The following GRAMD1A variants were observed in gnomAD, a reference collection of about 807,000 sequenced individuals.
GRAMD1A encodes the protein protein Aster-A.
A neutral mutation model predicts 92.0 loss-of-function variants in GRAMD1A; 50 were observed. The observed-to-expected ratio is 0.54, with a 90% CI of 0.43 to 0.69. The LOEUF (loss-of-function observed/expected upper bound fraction) is 0.69. GRAMD1A is among the 30% of genes least tolerant of loss of function. The pLI, the probability that GRAMD1A is intolerant of heterozygous loss-of-function variation, is 0.00. For missense variants in GRAMD1A, 819 were observed against 978.9 expected (o/e 0.84, Z 2.18); for synonymous variants, 405 against 403.6 (o/e 1.00, Z -0.04).
intron 13 of GRAMD1A, among the ~76,000 whole-genome samples, chr19:35,020,153 A>G (rs1307544158): frequency 6.6e-6 from 1 of 152,152 alleles, no homozygotes; most frequent in South Asian, 2.1e-4. Context: ...GCACTTTGGG[A>G]GGCTGAGGCA....
rs1242627088 is a variant in GRAMD1A, at chr19:35,000,447, T to TGCCCC, written c.-30_-29insCCCGC. ...AGCCCTGCCCTGCCCTGCCCTGCCCTGCGCCCGGGGCGCGCCCACCGCGCC... is the reference window on the plus strand; with the variant it reads ...AGCCCTGCCCTGCCCTGCCCTGCCCTGCCCCGCGCCCGGGGCGCGCCCACCGCGCC... On this transcript the variant is annotated 5_prime_UTR_variant, in exon 1 of 20. Coordinates refer to ENST00000317991, the MANE Select transcript of GRAMD1A (RefSeq NM_020895.5). The surrounding 1 kb of genome is among the most constrained non-coding windows in gnomAD (Gnocchi z 4.9). 8.0e-7 allele frequency: 1 copy of TGCCCC among 1,249,032 alleles called. No homozygotes were observed. The allele number at this position is 1,249,032 out of a possible 1,614,324, so 77.4% of individuals were successfully genotyped here. A position where few individuals can be genotyped will look rare whatever the true frequency, so the allele number is the denominator to read the frequency against.
chr19:35,019,215 G>A lies in GRAMD1A; in HGVS notation c.1238G>A (p.Gly413Glu), dbSNP rs1345690135. ...FTDVTLSPWS[G>E]DSKCHQRRVL... The stretch of plus-strand genomic sequence containing the variant: ...GACGTGACGCTGAGCCCCTGGAGTG[G>A]GGACAGCAAGTGCCACCAGCGCCGG... The change falls in exon 12 of 20, where the codon GGG becomes GAG. Residue 413 changes from glycine to glutamate, a missense_variant. By Grantham distance (98) the Gly-to-Glu change is moderately conservative. Coordinates refer to ENST00000317991, the MANE Select transcript of GRAMD1A (RefSeq NM_020895.5). The A allele has an allele frequency of 1.2e-5, 20 of 1,612,574 alleles. No individual in the cohort carries two copies. The highest frequency in any genetic ancestry group is 1.5e-5 in the Non-Finnish European group (18 of 1,179,004).
At chr19:35,019,016 A>T (rs1392453682) in intron 11 of GRAMD1A, among the ~76,000 whole-genome samples, 175 bp from the exon 12 acceptor site, 1 of 152,072 alleles carries the variant, frequency 6.6e-6, no homozygotes, top group African/African-American at 2.4e-5. Context: ...AGTGGAGGAG[A>T]TGGCCCTGCC....
chr19:35,019,330 G>A (rs757112531), intron 12 of GRAMD1A, 21 bp downstream of exon 12: 26 of 1,612,356 alleles, frequency 1.6e-5, no homozygotes, highest in East Asian at 2.2e-5. Flanking sequence ...TGGGGCAGCC[G>A]AGTGGGTGGG....
intron 1 of GRAMD1A, among the ~76,000 whole-genome samples, chr19:35,008,171 A>G (rs554357128): frequency 3.8e-4 from 57 of 151,858 alleles, no homozygotes; most frequent in African/African-American, 1.4e-3. Context: ...TCTACTAAAA[A>G]TACAAAAATT....
At chr19:35,002,993 A>G (rs2151700280) in intron 1 of GRAMD1A, among the ~76,000 whole-genome samples, 1 of 152,174 alleles carries the variant, frequency 6.6e-6, no homozygotes, top group South Asian at 2.1e-4. Flanking sequence ...CTGTGTGCAC[A>G]CATGCATGTG....
At chr19:35,012,202 G>A (rs1224305674) in intron 7 of GRAMD1A, among the ~76,000 whole-genome samples, 2 of 152,122 alleles carry the variant, frequency 1.3e-5, no homozygotes, top group Non-Finnish European at 2.9e-5. Context: ...TAGCTCCCTC[G>A]CCACCCCCTC....
At chr19:34,997,402 A>G (rs868598141), upstream of GRAMD1A, among the ~76,000 whole-genome samples, 7 of 151,306 alleles carry the variant, frequency 4.6e-5, no homozygotes, top group East Asian at 7.7e-4. Context: ...AAAAAAAAAA[A>G]AAGAAGAAGA....
chr19:34,998,042 G>C (rs867683318), upstream of GRAMD1A, among the ~76,000 whole-genome samples: 3 of 143,876 alleles, frequency 2.1e-5, no homozygotes, highest in South Asian at 4.4e-4. Flanking sequence ...CACCACTCCA[G>C]CCTGAGCGAC....
chr19:35,005,412 G>A (rs1278053907), intron 1 of GRAMD1A, among the ~76,000 whole-genome samples: 1 of 152,042 alleles, frequency 6.6e-6, no homozygotes, highest in African/African-American at 2.4e-5. Flanking sequence ...GTGGATGTCT[G>A]GGAGGAAGGG....
At position 35,003,264 on chromosome 19, in the gene GRAMD1A, T is replaced by C. The variant is rs1240427157; in HGVS notation, c.8+2778T>C. ...CCTGACACCTACTGTGTGACAATCA[T>C]TGAGTTTCCCTTTTATGCACACCTG... is the stretch of plus-strand genomic sequence containing the variant. On this transcript the variant is annotated intron_variant, in intron 1 of 19. Coordinates refer to ENST00000317991, the MANE Select transcript of GRAMD1A (RefSeq NM_020895.5). 2.0e-5 allele frequency among the ~76,000 whole-genome samples: 3 copies of C among 152,008 alleles called. 1 individual carries two copies. The highest frequency in any genetic ancestry group is 4.4e-5 in the Non-Finnish European group (3 of 67,994).
At chr19:34,997,210 A>C (rs1402621416), upstream of GRAMD1A, among the ~76,000 whole-genome samples, 1 of 152,088 alleles carries the variant, frequency 6.6e-6, no homozygotes, top group Admixed American at 6.6e-5. Flanking sequence ...ACCCGGCCGC[A>C]ATCAGCACTT....
chr19:34,999,155 C>T (rs939000988), upstream of GRAMD1A, among the ~76,000 whole-genome samples: 2 of 151,862 alleles, frequency 1.3e-5, no homozygotes, highest in African/African-American at 4.8e-5. Context: ...TGGGCCAGGG[C>T]GTGGGCAGCG....
chr19:35,000,125 T>C (rs111913873), upstream of GRAMD1A: 2,034 of 992,394 alleles, frequency 2.0e-3, 6 homozygotes, highest in African/African-American at 2.5e-3. This position sits in a 1 kb window ranked among gnomAD's most constrained non-coding sequence, Gnocchi z 4.9. Context: ...TAAAGTCTCT[T>C]TGTTTCCTTC....
At chr19:35,022,105 C>CAAGT in intron 16 of GRAMD1A, 67 bp downstream of exon 16, 1 of 1,164,914 alleles carries the variant, frequency 8.6e-7, no homozygotes. Flanking sequence ...TGACCTTGGG[C>CAAGT]AAGTGTGTGG....
upstream of GRAMD1A, among the ~76,000 whole-genome samples, chr19:34,995,612 C>T (rs371848657): frequency 7.8e-5 from 10 of 128,178 alleles, no homozygotes; most frequent in South Asian, 8.0e-4. Context: ...GACAGGGTCT[C>T]GCTCTGTTGC....
chr19:35,019,153 G>T, intron 11 of GRAMD1A, 38 bp from the exon 12 acceptor site: 1 of 1,372,594 alleles, frequency 7.3e-7, no homozygotes, highest in Non-Finnish European at 1.0e-6. Flanking sequence ...GCAAAGGACT[G>T]GGGTGTGGCC....
In GRAMD1A at chr19:35,013,613, G is replaced by A. The variant is rs1317699436; in HGVS notation, c.792G>A (p.Gln264=). The A allele has an allele frequency of 3.1e-6, 5 of 1,613,762 alleles. No homozygotes were observed. Among genetic ancestry groups the A allele is most frequent in the Non-Finnish European group, 3.4e-6 (4 of 1,179,912 alleles). The change falls in exon 9 of 20, where the codon CAG becomes CAA. Residue 264 remains glutamine (Q), a synonymous_variant. Transcript: ENST00000317991. The surrounding 1 kb of genome is among the most constrained non-coding windows in gnomAD (Gnocchi z 4.9). Reference sequence around the variant, plus strand: ...CCTCGGGGGCAGCTGACCGCAGCCAGGAGCCAAGCCCAGTGGGTTCGCGCC... The same window carrying A: ...CCTCGGGGGCAGCTGACCGCAGCCAAGAGCCAAGCCCAGTGGGTTCGCGCC... The part of the protein sequence containing the change: ...ITSSGAADRS[Q]EPSPVGSRRG...
intron 17 of GRAMD1A, 102 bp from the exon 18 acceptor site, chr19:35,023,134 C>G: frequency 1.1e-6 from 1 of 888,298 alleles, no homozygotes; most frequent in Non-Finnish European, 1.9e-6. Context: ...AATTCTCCTC[C>G]TCTGCAATGG....
Sources: allele counts gnomAD v4.1 joint callset (sites outside exome capture counted in the v4.1 genomes callset), GRCh38; gene constraint gnomAD v4.1.1; non-coding constraint Gnocchi (gnomAD v3.1); transcripts MANE v1.5; gene names NCBI Gene and HGNC (gene_info 2026-07-23, HGNC 2026-07-21).